Variants in COL1A2 observed in about 807,000 individuals in gnomAD.
The protein encoded by COL1A2 is collagen alpha-2(I) chain.
COL1A2 carries 49 observed loss-of-function variants against 174.3 expected under a neutral mutation model. The observed-to-expected ratio is 0.28, with a 90% confidence interval of 0.22 to 0.36. COL1A2 has a LOEUF of 0.36. COL1A2 is among the 10% of genes least tolerant of loss of function. The pLI, the probability that COL1A2 is intolerant of heterozygous loss-of-function variation, is 1.00. For missense variants in COL1A2, 1,438 were observed against 1,822.7 expected, an observed-to-expected ratio of 0.79 and a Z score of 3.84; for synonymous variants, 655 against 606.6, an observed-to-expected ratio of 1.08 and a Z score of -1.17.
intron 1 of COL1A2, chr7:94,395,684 C>T: frequency 5.6e-6 from 1 of 179,470 alleles, no homozygotes; most frequent in South Asian, 1.1e-4. Flanking sequence ...AGATGGAATC[C>T]CAATTAAAGC....
At position 94,427,607 on chromosome 7, in the gene COL1A2, T is replaced by C; in HGVS notation, c.3268-20T>C. The C allele has an allele frequency of 6.2e-7, 1 of 1,613,920 alleles. No individual in the cohort carries two copies. Among genetic ancestry groups the C allele is most frequent in the Non-Finnish European group, 8.5e-7 (1 of 1,179,928 alleles). On this transcript the variant is annotated intron_variant, in intron 48 of 51. Coordinates refer to ENST00000297268, the MANE Select transcript of COL1A2 (RefSeq NM_000089.4). The stretch of plus-strand genomic sequence containing the variant: ...GTAACAAAATATAAAGCCTCTCCTA[T>C]CTCACTTTCACCTTTGCAGGGCCCC...
chr7:94,430,328 C>T lies in COL1A2; in HGVS notation c.4036C>T (p.Pro1346Ser), dbSNP rs369008932. 8.7e-6 allele frequency: 14 copies of T among 1,613,926 alleles called. No individual in the cohort carries two copies. Among genetic ancestry groups the T allele is most frequent in the Admixed American group, 3.3e-5 (2 of 59,998 alleles). Reference sequence around the variant, plus strand: ...ACGCCTGCCCTTCCTTGATATTGCACCTTTGGACATCGGTGGTGCTGACCA... The same window carrying T: ...ACGCCTGCCCTTCCTTGATATTGCATCTTTGGACATCGGTGGTGCTGACCA... Reference protein sequence around the residue: ...PSRLPFLDIAPLDIGGADQEF... With the variant: ...PSRLPFLDIASLDIGGADQEF... Residue 1346 changes from proline to serine, a missense_variant, in exon 52 of 52, where the codon CCT becomes TCT. Pro to Ser is a moderately conservative substitution (Grantham distance 74, BLOSUM62 -1). Around this residue, in one of 3 missense-constraint regions of COL1A2, gnomAD observed 290 missense variants for 298.1 expected, o/e 0.97. Coordinates refer to ENST00000297268, the MANE Select transcript of COL1A2 (RefSeq NM_000089.4).
chr7:94,410,090 C>G, intron 19 of COL1A2, 152 bp from the exon 20 acceptor site: 1 of 846,036 alleles, frequency 1.2e-6, no homozygotes, highest in Non-Finnish European at 2.0e-6. Flanking sequence ...TAATACCATT[C>G]CCCTGTACTC....
chr7:94,419,346 G>T, intron 33 of COL1A2, 152 bp from the exon 34 acceptor site: 11 of 856,212 alleles, frequency 1.3e-5, no homozygotes, highest in Non-Finnish European at 2.1e-5. Flanking sequence ...TTGTTAATTA[G>T]AACCAAAATA....
intron 12 of COL1A2, among the ~76,000 whole-genome samples, 167 bp downstream of exon 12, chr7:94,406,470 GA>G (rs1268486117): frequency 6.6e-5 from 10 of 151,788 alleles, no homozygotes; most frequent in Non-Finnish European, 1.5e-4. Context: ...GAGAGTCTGT[GA>G]AAAAAGGTCA....
chr7:94,430,191 T>G (rs950895848), intron 51 of COL1A2, 56 bp from the exon 52 acceptor site: 1 of 1,539,444 alleles, frequency 6.5e-7, no homozygotes. Flanking sequence ...GGTTCAGATA[T>G]TATCAGATTC....
intron 30 of COL1A2, among the ~76,000 whole-genome samples, chr7:94,415,728 G>T (rs1336034411): frequency 6.6e-6 from 1 of 152,144 alleles, no homozygotes; most frequent in Non-Finnish European, 1.5e-5. Context: ...TGCCCTGAAA[G>T]TATTCCATCA....
intron 1 of COL1A2, chr7:94,395,718 T>A (rs1333532456): frequency 6.2e-6 from 1 of 161,794 alleles, no homozygotes; most frequent in East Asian, 1.8e-4. Context: ...TACAGATTAA[T>A]GATCAGCATT....
intron 42 of COL1A2, 147 bp from the exon 43 acceptor site, chr7:94,425,463 T>A: frequency 1.1e-6 from 1 of 912,394 alleles, no homozygotes; most frequent in Non-Finnish European, 1.8e-6. Flanking sequence ...ATATCTAGGT[T>A]GGCAGGTTTT....
Position 94,401,578 on chromosome 7 carries a change from T to A in COL1A2, c.237T>A (p.Ala79=). The A allele has an allele frequency of 6.5e-7, 1 of 1,533,570 alleles. No homozygotes were observed. Among genetic ancestry groups the A allele is most frequent in the Non-Finnish European group, 8.8e-7 (1 of 1,136,236 alleles). The allele number at this position is 1,533,570 out of a possible 1,614,324, so 95.0% of individuals were successfully genotyped here. The change falls in exon 6 of 52, where the codon GCT becomes GCA. Residue 79 remains alanine (A), a synonymous_variant. Transcript: ENST00000297268. ...GPPGLGGNFA[A]QYDGKGVGLG... is the part of the protein sequence containing the mutation. ...TTTTACTTCTCTAGAACTTTGCTGC[T>A]CAGTATGATGGAAAAGGAGTTGGAC...
Position 94,428,382 on chromosome 7 carries a change from G to A in COL1A2, c.3616G>A (p.Ala1206Thr), listed in dbSNP as rs200492800. ...DFSTGETCIR[A>T]QPENIPAKNW... ...CTCTACTGGCGAAACCTGTATCCGG[G>A]CCCAACCTGAAAACATCCCAGCCAA... The change falls in exon 50 of 52, where the codon GCC becomes ACC. Residue 1206 changes from alanine to threonine, a missense_variant. By Grantham distance (58) the Ala-to-Thr change is moderately conservative (BLOSUM62 0). Around this residue, in one of 3 missense-constraint regions of COL1A2, gnomAD observed 290 missense variants for 298.1 expected, o/e 0.97. Coordinates refer to ENST00000297268, the MANE Select transcript of COL1A2 (RefSeq NM_000089.4). The A allele has an allele frequency of 6.2e-7, 1 of 1,614,066 alleles. No homozygotes were observed. The highest frequency in any genetic ancestry group is 1.7e-5 in the Admixed American group (1 of 60,012).
In COL1A2 at chr7:94,427,212, G is replaced by T; in HGVS notation, c.3184G>T (p.Ala1062Ser). The change falls in exon 48 of 52, where the codon GCT becomes TCT. Residue 1062 changes from alanine (A) to serine (S), a missense_variant. Physicochemically the swap from Ala to Ser is moderately conservative, Grantham distance 99 (BLOSUM62 1). Transcript: ENST00000297268. ...PRGPAGPSGP[A>S]GKDGRTGHPG... Reference sequence around the variant, plus strand: ...GGGCCCTGCTGGTCCTTCTGGCCCTGCTGGAAAAGATGGTCGCACTGGACA... The same window carrying T: ...GGGCCCTGCTGGTCCTTCTGGCCCTTCTGGAAAAGATGGTCGCACTGGACA... 6.2e-7 allele frequency: 1 copy of T among 1,614,022 alleles called. No individual in the cohort carries two copies. Among genetic ancestry groups the T allele is most frequent in the Non-Finnish European group, 8.5e-7 (1 of 1,179,976 alleles).
At chr7:94,403,488 A>G (rs1330642792) in intron 6 of COL1A2, among the ~76,000 whole-genome samples, 2 of 152,210 alleles carry the variant, frequency 1.3e-5, no homozygotes, top group Non-Finnish European at 2.9e-5. Context: ...GAAAAAATAA[A>G]TATAATTAGA....
At chr7:94,417,176 G>A (rs1253002247) in intron 31 of COL1A2, among the ~76,000 whole-genome samples, 2 of 152,146 alleles carry the variant, frequency 1.3e-5, no homozygotes, top group African/African-American at 4.8e-5. Context: ...AAAAGGGAGA[G>A]AGGAAATAAA....
Position 94,426,883 on chromosome 7 carries a change from C to T in COL1A2, c.3106-125C>T, listed in dbSNP as rs959293461. On this transcript the variant is annotated intron_variant, in intron 46 of 51. Transcript: ENST00000297268. ...AATGGGAGAAAAGAGCCCCACTTTA[C>T]ATTTTCAATTTTCTCAATCCGGAGT... is the stretch of plus-strand genomic sequence containing the variant. The T allele has an allele frequency of 5.9e-6, 5 of 853,334 alleles. No homozygotes were observed. In the African/African-American group the frequency reaches 8.5e-5, roughly 15 times the overall value. The allele number at this position is 853,334 out of a possible 1,614,324, so 52.9% of individuals were successfully genotyped here.
intron 4 of COL1A2, 103 bp downstream of exon 4, chr7:94,399,187 T>A (rs1791639868): frequency 9.6e-7 from 1 of 1,041,296 alleles, no homozygotes; most frequent in South Asian, 1.3e-5. Flanking sequence ...TGTATCCAGA[T>A]AATTGTACAC....
intron 38 of COL1A2, 90 bp downstream of exon 38, chr7:94,421,152 A>T: frequency 1.5e-6 from 2 of 1,358,922 alleles, no homozygotes; most frequent in East Asian, 2.3e-5. Flanking sequence ...GTAAATTTGG[A>T]CTACCATGAG....
Position 94,410,289 on chromosome 7 carries a change from T to A in COL1A2, c.1083T>A (p.Gly361=), listed in dbSNP as rs1171290818. The part of the protein sequence containing the change: ...AGSKGESGNK[G]EPGSAGPQGP... Reference sequence around the variant, plus strand: ...CCAAAGGAGAGAGCGGTAACAAGGGTGAGCCCGTAAGTAGCTCTATCATCA... The same window carrying A: ...CCAAAGGAGAGAGCGGTAACAAGGGAGAGCCCGTAAGTAGCTCTATCATCA... The change falls in exon 20 of 52, where the codon GGT becomes GGA. Residue 361 remains glycine, a synonymous_variant. Transcript: ENST00000297268. The A allele has an allele frequency of 1.9e-6, 3 of 1,613,898 alleles. No homozygotes were observed. In the East Asian group the frequency reaches 6.7e-5, roughly 36 times the overall value.
intron 3 of COL1A2, among the ~76,000 whole-genome samples, chr7:94,398,692 G>C (rs948723213): frequency 4.0e-5 from 6 of 151,818 alleles, no homozygotes; most frequent in Non-Finnish European, 8.8e-5. Flanking sequence ...GTTAATTATA[G>C]GGAGTAAAAA....
Sources: allele counts gnomAD v4.1 joint callset (sites outside exome capture counted in the v4.1 genomes callset), GRCh38; gene constraint gnomAD v4.1.1; regional missense constraint gnomAD v4.1.1; transcripts MANE v1.5; gene names NCBI Gene and HGNC (gene_info 2026-07-23, HGNC 2026-07-21).